UHRF1: variants seen among roughly 807,000 people sequenced by gnomAD.
UHRF1 encodes the protein ubiquitin like with PHD and ring finger domains 1.
In UHRF1, 9 loss-of-function variants were observed where a neutral mutation model predicts 96.5. That is an observed-to-expected ratio of 0.09 (90% CI 0.06 to 0.16). The LOEUF is 0.16. UHRF1 is among the 10% of genes least tolerant of loss of function. UHRF1 has a pLI of 1.00. For synonymous variants in UHRF1, 455 were observed against 469.9 expected (o/e 0.97, Z 0.41); for missense variants, 626 against 1,131.1 (o/e 0.55, Z 6.40).
chr19:4,955,950 G>T (rs2033846454), intron 15 of UHRF1, among the ~76,000 whole-genome samples: 1 of 151,062 alleles, frequency 6.6e-6, no homozygotes. Context: ...ATTTTTTTTT[G>T]AGATGGAGTT....
chr19:4,913,456 T>G (rs1292218169), intron 2 of UHRF1, among the ~76,000 whole-genome samples: 1 of 152,080 alleles, frequency 6.6e-6, no homozygotes, highest in Non-Finnish European at 1.5e-5. Flanking sequence ...AGTTTCACCA[T>G]GTTGGCCAGG....
At chr19:4,924,187 T>A (rs532560966) in intron 2 of UHRF1, among the ~76,000 whole-genome samples, 5 of 152,222 alleles carry the variant, frequency 3.3e-5, no homozygotes, top group Non-Finnish European at 7.3e-5. Context: ...TCTCGCTCTG[T>A]CGCCCAGGCT....
intron 2 of UHRF1, among the ~76,000 whole-genome samples, chr19:4,917,366 G>A (rs1241944907): frequency 6.6e-6 from 1 of 151,690 alleles, no homozygotes; most frequent in Non-Finnish European, 1.5e-5. Context: ...GGGAGACAGG[G>A]TCCACAAGGC....
At position 4,930,596 on chromosome 19, in the gene UHRF1, G is replaced by C. The variant is rs565013957; in HGVS notation, c.409-120G>C. On this transcript the variant is annotated intron_variant, in intron 3 of 16. Coordinates refer to ENST00000650932, the MANE Select transcript of UHRF1 (RefSeq NM_001048201.3). This position sits in a 1 kb window ranked among gnomAD's most constrained non-coding sequence, Gnocchi z 4.4. ...TTCCCAGCCAGGGAGGAGAAACCTC[G>C]CTGTGGGCATTCGAGTTTGCGCCCT... 3.2e-6 allele frequency: 4 copies of C among 1,264,928 alleles called. No individual in the cohort carries two copies. The highest frequency in any genetic ancestry group is 4.4e-6 in the Non-Finnish European group (4 of 912,402). The allele number at this position is 1,264,928 out of a possible 1,614,324, so 78.4% of individuals were successfully genotyped here. A position where few individuals can be genotyped will look rare whatever the true frequency, so the allele number is the denominator to read the frequency against.
At chr19:4,908,861 C>A (rs892214430), upstream of UHRF1, among the ~76,000 whole-genome samples, 1 of 152,190 alleles carries the variant, frequency 6.6e-6, no homozygotes, top group Non-Finnish European at 1.5e-5. Context: ...TGTAGGTGCC[C>A]AGCACAGGTC....
chr19:4,937,926 G>A (rs1348862080), intron 5 of UHRF1, among the ~76,000 whole-genome samples: 1 of 152,090 alleles, frequency 6.6e-6, no homozygotes, highest in East Asian at 1.9e-4. Context: ...GGAGGTGGGC[G>A]GATCACTTGA....
intron 11 of UHRF1, among the ~76,000 whole-genome samples, chr19:4,950,083 C>G (rs1287576516): frequency 2.0e-5 from 3 of 149,188 alleles, no homozygotes; most frequent in Non-Finnish European, 4.4e-5. Flanking sequence ...GTTGGCCAGG[C>G]TGGTCTTGAA....
intron 7 of UHRF1, among the ~76,000 whole-genome samples, chr19:4,943,297 A>G (rs2033462298): frequency 1.3e-5 from 2 of 152,026 alleles, no homozygotes; most frequent in Non-Finnish European, 2.9e-5. Flanking sequence ...TGAGTGGGTG[A>G]GACCTGCGGC....
At chr19:4,953,455 C>A (rs897653747) in intron 13 of UHRF1, among the ~76,000 whole-genome samples, 1 of 152,088 alleles carries the variant, frequency 6.6e-6, no homozygotes, top group Non-Finnish European at 1.5e-5. Flanking sequence ...CCTACTCTTG[C>A]ACTTTGGGGC....
chr19:4,934,197 T>C (rs943705408), intron 5 of UHRF1, among the ~76,000 whole-genome samples: 2 of 147,338 alleles, frequency 1.4e-5, no homozygotes, highest in African/African-American at 5.2e-5. Flanking sequence ...CTAATTTTTG[T>C]ATATATATAT....
At chr19:4,942,735 C>T (rs1225078336) in intron 7 of UHRF1, among the ~76,000 whole-genome samples, 1 of 152,064 alleles carries the variant, frequency 6.6e-6, no homozygotes, top group African/African-American at 2.4e-5. Context: ...CAGGTGTGAG[C>T]CACCATGCCT....
rs1212243243 is a variant in UHRF1 at position 4,909,554 on chromosome 19, C to G, written c.-112C>G. On this transcript the variant is annotated 5_prime_UTR_variant, in exon 1 of 17. Coordinates refer to ENST00000650932, the MANE Select transcript of UHRF1 (RefSeq NM_001048201.3). Reference sequence around the variant, plus strand: ...TTTGCCGAGCGGGCGCTCCGGGTCGCACGCAAGTCCGCGCGGGGTCCGGGC... The same window carrying G: ...TTTGCCGAGCGGGCGCTCCGGGTCGGACGCAAGTCCGCGCGGGGTCCGGGC... 4.6e-6 allele frequency: 3 copies of G among 658,782 alleles called. No homozygotes were observed. In the South Asian group the frequency reaches 4.7e-5, roughly 10 times the overall value. The allele number at this position is 658,782 out of a possible 1,614,324, so 40.8% of individuals were successfully genotyped here.
chr19:4,928,678 G>T (rs1187251155), intron 2 of UHRF1, among the ~76,000 whole-genome samples: 1 of 152,168 alleles, frequency 6.6e-6, no homozygotes, highest in East Asian at 1.9e-4. Context: ...GGTGGGACAG[G>T]GTCTCTCTGT....
rs530095736 is a variant in UHRF1 at position 4,950,559 on chromosome 19, T to C, written c.1518-52T>C. On this transcript the variant is annotated intron_variant, in intron 11 of 16. Coordinates refer to ENST00000650932, the MANE Select transcript of UHRF1 (RefSeq NM_001048201.3). ...ACTCCCGGCTCCTGTGTTTCCTTTT[T>C]TGGGGGGTACATCCTCACCTATAAT... is the stretch of plus-strand genomic sequence containing the variant. The C allele has an allele frequency of 4.0e-5, 63 of 1,566,996 alleles. No individual in the cohort carries two copies. The African/African-American group carries it at 7.8e-4, about 19-fold the overall frequency.
chr19:4,947,291 C>T, intron 11 of UHRF1, 80 bp downstream of exon 11: 1 of 1,274,532 alleles, frequency 7.8e-7, no homozygotes, highest in Admixed American at 1.7e-5. Context: ...TCATGTCCAG[C>T]AAGTGATAGT....
intron 16 of UHRF1, 39 bp from the exon 17 acceptor site, chr19:4,960,618 T>C (rs575718833): frequency 3.9e-5 from 62 of 1,604,830 alleles, no homozygotes; most frequent in Non-Finnish European, 5.0e-5. Flanking sequence ...AACCTGATGG[T>C]GTGGATGGCA....
intron 2 of UHRF1, among the ~76,000 whole-genome samples, chr19:4,912,763 T>G (rs2032333499): frequency 6.6e-6 from 1 of 152,126 alleles, no homozygotes; most frequent in South Asian, 2.1e-4. Context: ...TTGATTTTTT[T>G]TGTTGTTGTT....
At chr19:4,950,468 T>G (rs1212005627) in intron 11 of UHRF1, 143 bp from the exon 12 acceptor site, 2 of 845,374 alleles carry the variant, frequency 2.4e-6, no homozygotes, top group Non-Finnish European at 3.5e-6. Flanking sequence ...GGTCTCGAAC[T>G]CCTGACTTCA....
intron 4 of UHRF1, 148 bp from the exon 5 acceptor site, chr19:4,932,593 C>A: frequency 1.3e-6 from 1 of 784,984 alleles, no homozygotes; most frequent in South Asian, 1.8e-5. Context: ...CCTTAATATA[C>A]CTGTGTGTTC....
Sources: allele counts gnomAD v4.1 joint callset (sites outside exome capture counted in the v4.1 genomes callset), GRCh38; gene constraint gnomAD v4.1.1; non-coding constraint Gnocchi (gnomAD v3.1); transcripts MANE v1.5; gene names NCBI Gene and HGNC (gene_info 2026-07-23, HGNC 2026-07-21).